Variants in PRKN observed in about 807,000 individuals in gnomAD.
PRKN encodes the protein parkin RBR E3 ubiquitin protein ligase.
In PRKN, 56 loss-of-function variants were observed where a neutral mutation model predicts 59.5. The observed-to-expected ratio is 0.94, with a 90% confidence interval of 0.76 to 1.18. The LOEUF (loss-of-function observed/expected upper bound fraction) is 1.18, where lower values mean the gene tolerates loss of function less well. Among genes scored for constraint, PRKN ranks in the 50% most tolerant of loss-of-function variants. PRKN has a pLI of 0.00. For missense variants in PRKN, 657 were observed against 596.4 expected, an observed-to-expected ratio of 1.10 and a Z score of -1.06; for synonymous variants, 250 against 222.1, an observed-to-expected ratio of 1.13 and a Z score of -1.12.
intron 6 of PRKN, among the ~76,000 whole-genome samples, chr6:161,844,960 T>A (rs1359005451): frequency 6.6e-6 from 1 of 152,198 alleles, no homozygotes; most frequent in Non-Finnish European, 1.5e-5. Flanking sequence ...TGATAGAGCG[T>A]TTACTAATAG....
chr6:161,880,408 T>A (rs1309661500), intron 6 of PRKN, among the ~76,000 whole-genome samples: 1 of 152,196 alleles, frequency 6.6e-6, no homozygotes, highest in East Asian at 1.9e-4. Context: ...CATATTTATC[T>A]TCATTTTAGG....
chr6:162,403,401 G>A lies in PRKN; in HGVS notation c.171+39909C>T, dbSNP rs191476668. Among the ~76,000 whole-genome samples the A allele has an allele frequency of 2.2e-3, 340 of 152,182 alleles. 2 individuals carry two copies. The highest frequency in any genetic ancestry group is 7.1e-3 in the African/African-American group (296 of 41,532). On this transcript the variant is annotated intron_variant, in intron 2 of 11. Transcript: ENST00000366898. ...TCTTGTCAAAGAGGTCGACCACTCC[G>A]CCTTATTTAGAACTGCACTCTCTGC... is the stretch of plus-strand genomic sequence containing the variant.
rs1779867949 is a variant in PRKN at position 161,548,332 on chromosome 6, T to G, written c.1083+522A>C. Reference sequence around the variant, plus strand: ...CAAACATTTTCCACATTTCTTATTCTGCTTCCATAAGAGACACCATTAGTT... The same window carrying G: ...CAAACATTTTCCACATTTCTTATTCGGCTTCCATAAGAGACACCATTAGTT... On this transcript the variant is annotated intron_variant, in intron 9 of 11. Transcript: ENST00000366898. The surrounding 1 kb of genome is among the most constrained non-coding windows in gnomAD (Gnocchi z 4.2). 6.6e-6 allele frequency among the ~76,000 whole-genome samples: 1 copy of G among 152,242 alleles called. No homozygotes were observed. Among genetic ancestry groups the G allele is most frequent in the African/African-American group, 2.4e-5 (1 of 41,464 alleles).
chr6:161,568,783 A>C (rs1308719025), intron 8 of PRKN, among the ~76,000 whole-genome samples: 1 of 152,104 alleles, frequency 6.6e-6, no homozygotes, highest in African/African-American at 2.4e-5. Context: ...ACATATATAT[A>C]ATATTTAGCA....
intron 7 of PRKN, among the ~76,000 whole-genome samples, chr6:161,688,500 A>AT (rs1049886500): frequency 6.6e-6 from 1 of 152,252 alleles, no homozygotes; most frequent in Non-Finnish European, 1.5e-5. Flanking sequence ...TTTTTAAAAC[A>AT]TAAATTTCAT....
Position 161,791,129 on chromosome 6 carries a change from G to A in PRKN, c.735-5221C>T, listed in dbSNP as rs759255800. On this transcript the variant is annotated intron_variant, in intron 6 of 11. Transcript: ENST00000366898. ...ACCCCAATGGGCCAGGTTAAAGAGCGGTAAATTAAAGGTTAAGTAAAGTTC... is the reference window on the plus strand; with the variant it reads ...ACCCCAATGGGCCAGGTTAAAGAGCAGTAAATTAAAGGTTAAGTAAAGTTC... Among the ~76,000 whole-genome samples, 15 of 152,100 alleles carry A rather than the reference G, an allele frequency of 9.9e-5. No individual in the cohort carries two copies. The Middle Eastern group carries it at 0.014, about 138-fold the overall frequency.
intron 5 of PRKN, among the ~76,000 whole-genome samples, chr6:162,022,316 G>A (rs1489830718): frequency 6.6e-6 from 1 of 152,094 alleles, no homozygotes; most frequent in Non-Finnish European, 1.5e-5. Context: ...CAGTGTATAA[G>A]CACTCCCTTT....
chr6:161,538,726 G>T lies in PRKN; in HGVS notation c.1083+10128C>A, dbSNP rs1779511847. On this transcript the variant is annotated intron_variant, in intron 9 of 11. Coordinates refer to ENST00000366898, the MANE Select transcript of PRKN (RefSeq NM_004562.3). This position sits in a 1 kb window ranked among gnomAD's most constrained non-coding sequence, Gnocchi z 4.2. Reference sequence around the variant, plus strand: ...CTGTTGCAGATCCTTGGAGACCAGTGCCCATGGGACTGGCTGGTCTTTACC... The same window carrying T: ...CTGTTGCAGATCCTTGGAGACCAGTTCCCATGGGACTGGCTGGTCTTTACC... 6.6e-6 allele frequency among the ~76,000 whole-genome samples: 1 copy of T among 152,180 alleles called. No homozygotes were observed. Among genetic ancestry groups the T allele is most frequent in the Non-Finnish European group, 1.5e-5 (1 of 68,034 alleles).
chr6:162,452,440 TATA>T (rs1322687613), intron 1 of PRKN, among the ~76,000 whole-genome samples: 1 of 152,074 alleles, frequency 6.6e-6, no homozygotes, highest in Non-Finnish European at 1.5e-5. Context: ...GTTTAGAACA[TATA>T]ATATGTATGC....
rs1177332315 is a variant in PRKN, at chr6:162,393,155, C to CTTTTTTTTTTTTT, written c.171+50142_171+50154dup. ...TGATACTGGGTGAGGATAGGAGATT[C>CTTTTTTTTTTTTT]TTTTTTTTTTTTTTTTTTTTTTGAG... is the stretch of plus-strand genomic sequence containing the variant. On this transcript the variant is annotated intron_variant, in intron 2 of 11. Coordinates refer to ENST00000366898, the MANE Select transcript of PRKN (RefSeq NM_004562.3). 7.2e-4 allele frequency among the ~76,000 whole-genome samples: 58 copies of CTTTTTTTTTTTTT among 80,170 alleles called. 6 individuals carry two copies. Among genetic ancestry groups the CTTTTTTTTTTTTT allele is most frequent in the African/African-American group, 2.0e-3 (37 of 18,576 alleles). 52.6% of individuals were successfully genotyped at this position (80,170 alleles called of 152,430 possible).
chr6:162,083,811 A>G (rs935175672), intron 4 of PRKN, among the ~76,000 whole-genome samples: 4 of 152,114 alleles, frequency 2.6e-5, no homozygotes, highest in African/African-American at 9.7e-5. Flanking sequence ...TTTCAGGTTA[A>G]AGAAATTCTG....
intron 7 of PRKN, among the ~76,000 whole-genome samples, chr6:161,583,858 T>C (rs377035766): frequency 2.5e-4 from 38 of 152,376 alleles, no homozygotes; most frequent in African/African-American, 7.7e-4. Flanking sequence ...AATGATCATA[T>C]TGGTGTCAGT....
At chr6:162,697,458 A>C (rs946419065) in intron 1 of PRKN, among the ~76,000 whole-genome samples, 10 of 152,208 alleles carry the variant, frequency 6.6e-5, no homozygotes, top group African/African-American at 2.4e-4. Context: ...AAAAAAAGCA[A>C]GTTTTAACAG....
chr6:162,464,144 T>G (rs1012262113), intron 1 of PRKN, among the ~76,000 whole-genome samples: 1 of 152,186 alleles, frequency 6.6e-6, no homozygotes, highest in African/African-American at 2.4e-5. Context: ...ATATGCCAGC[T>G]TAGAAGAAAT....
chr6:161,511,006 C>T (rs892976652), intron 9 of PRKN, among the ~76,000 whole-genome samples: 5 of 152,118 alleles, frequency 3.3e-5, no homozygotes, highest in South Asian at 2.1e-4. Context: ...TTTAAAGAGG[C>T]CACTGATCTT....
chr6:161,735,297 GCCTA>G (rs966785228), intron 7 of PRKN, among the ~76,000 whole-genome samples: 7 of 151,902 alleles, frequency 4.6e-5, no homozygotes, highest in Non-Finnish European at 7.4e-5. Flanking sequence ...TTCCTCCTCA[GCCTA>G]CCCAACATAA....
intron 6 of PRKN, among the ~76,000 whole-genome samples, chr6:161,852,283 A>T (rs1793470034): frequency 6.6e-6 from 1 of 152,050 alleles, no homozygotes; most frequent in East Asian, 1.9e-4. Flanking sequence ...CCATCTCTAC[A>T]AAAAACAAAC....
rs1789966111 is a variant in PRKN at position 161,456,297 on chromosome 6, TC to T, written c.1084-69421del. On this transcript the variant is annotated intron_variant, in intron 9 of 11. Transcript: ENST00000366898. The surrounding 1 kb of genome is among the most constrained non-coding windows in gnomAD (Gnocchi z 4.8). ...TGGAAGGCCTAGACTGGCTGAGTCT[TC>T]CGGCTTTCAAATTTCTCTCGCATTG... Among the ~76,000 whole-genome samples the T allele has an allele frequency of 6.6e-6, 1 of 152,168 alleles. No individual in the cohort carries two copies. The highest frequency in any genetic ancestry group is 2.4e-5 in the African/African-American group (1 of 41,430).
At chr6:162,417,903 T>G (rs1404940735) in intron 2 of PRKN, among the ~76,000 whole-genome samples, 1 of 152,212 alleles carries the variant, frequency 6.6e-6, no homozygotes, top group East Asian at 1.9e-4. Context: ...TCTTGATTAC[T>G]GATATGAAGC....
Sources: allele counts gnomAD v4.1 joint callset (sites outside exome capture counted in the v4.1 genomes callset), GRCh38; gene constraint gnomAD v4.1.1; non-coding constraint Gnocchi (gnomAD v3.1); transcripts MANE v1.5; gene names NCBI Gene and HGNC (gene_info 2026-07-23, HGNC 2026-07-21).